Variants in CHRDL1 observed in about 807,000 individuals in gnomAD.
CHRDL1 encodes the protein chordin like 1, also known as chordin-like protein 1.
Under a neutral mutation model 40.9 loss-of-function variants are expected in CHRDL1, and 19 were observed. The ratio of observed to expected loss-of-function variants is 0.46; its 90% confidence interval spans 0.32 to 0.68. CHRDL1 has a LOEUF of 0.68. Among genes scored for constraint, CHRDL1 ranks in the 30% least tolerant of loss-of-function variants. The pLI is 0.03. For missense variants in CHRDL1, 329 were observed against 352.1 expected (o/e 0.93, Z 0.53); for synonymous variants, 136 against 123.4 (o/e 1.10, Z -0.68).
intron 7 of CHRDL1, 71 bp downstream of exon 7, chrX:110,700,583 G>GT: frequency 1.4e-6 from 1 of 721,937 alleles, no homozygotes; most frequent in South Asian, 2.3e-5. Flanking sequence ...TGCTAGAATA[G>GT]TAGCCACGAG....
intron 4 of CHRDL1, 80 bp downstream of exon 4, chrX:110,759,581 G>T: frequency 2.8e-6 from 2 of 706,934 alleles, no homozygotes; most frequent in South Asian, 2.1e-5. Flanking sequence ...CCCTTCTGGG[G>T]AATTATGGAG....
At chrX:110,695,195 A>G (rs2070362043) in intron 7 of CHRDL1, among the ~76,000 whole-genome samples, 1 of 111,603 alleles carries the variant, frequency 9.0e-6, no homozygotes. Context: ...AGATCATACA[A>G]TGCAGTACAA....
intron 4 of CHRDL1, among the ~76,000 whole-genome samples, chrX:110,739,274 G>A (rs2071319899): frequency 9.0e-6 from 1 of 111,644 alleles, no homozygotes; most frequent in Non-Finnish European, 1.9e-5. Context: ...GTATGCAGCG[G>A]AATACACAAT....
At chrX:110,721,119 C>T (rs780542807) in intron 5 of CHRDL1, among the ~76,000 whole-genome samples, 10 of 111,485 alleles carry the variant, frequency 9.0e-5, no homozygotes, top group Non-Finnish European at 1.7e-4. Context: ...AAAGGAGCGC[C>T]GATCAACACA....
chrX:110,778,393 TAAAC>T (rs781354797), intron 2 of CHRDL1, among the ~76,000 whole-genome samples: 13 of 111,739 alleles, frequency 1.2e-4, no homozygotes, highest in South Asian at 7.4e-4. Flanking sequence ...GTAAGGAACT[TAAAC>T]AAACTTATAA....
chrX:110,714,786 C>T (rs2070811766), intron 6 of CHRDL1, among the ~76,000 whole-genome samples: 1 of 111,779 alleles, frequency 8.9e-6, no homozygotes, highest in Admixed American at 9.5e-5. Flanking sequence ...GCAAGTTCAG[C>T]AGTCAAAAGA....
At chrX:110,771,748 C>A (rs530844590) in intron 2 of CHRDL1, among the ~76,000 whole-genome samples, 12 of 111,506 alleles carry the variant, frequency 1.1e-4, no homozygotes, top group African/African-American at 3.9e-4. Context: ...ACTGCTTTAC[C>A]CCTAAGATCA....
intron 6 of CHRDL1, among the ~76,000 whole-genome samples, chrX:110,707,485 C>T (rs2070664418): frequency 9.0e-6 from 1 of 111,235 alleles, no homozygotes; most frequent in African/African-American, 3.3e-5. Flanking sequence ...AGAAATAATG[C>T]CACTTATCTG....
rs749404788 is a variant in CHRDL1, at chrX:110,740,272, T to G, written c.302-18742A>C. 1.1e-4 allele frequency among the ~76,000 whole-genome samples: 12 copies of G among 112,580 alleles called. No homozygotes were observed. The South Asian group carries it at 4.1e-3, about 38-fold the overall frequency. The stretch of plus-strand genomic sequence containing the variant: ...TGTCATTAGGGCTTTCCATCAATAT[T>G]CAAATTCTCCTCCTTCCAGGCACAT... On this transcript the variant is annotated intron_variant, in intron 4 of 11. Coordinates refer to ENST00000372042, the MANE Select transcript of CHRDL1 (RefSeq NM_001143981.2).
intron 8 of CHRDL1, among the ~76,000 whole-genome samples, chrX:110,689,630 CTATATATCTATA>C (rs2070154388): frequency 2.9e-5 from 1 of 33,947 alleles, no homozygotes; most frequent in East Asian, 4.6e-4. Flanking sequence ...ATCTATATAT[CTATATATCTATA>C]TATATCTATA....
chrX:110,690,633 A>G (rs1045965642), intron 8 of CHRDL1, among the ~76,000 whole-genome samples: 35 of 110,924 alleles, frequency 3.2e-4, no homozygotes, highest in African/African-American at 8.6e-4. Flanking sequence ...ACCAACATAT[A>G]TAAGTATGGA....
intron 6 of CHRDL1, 47 bp downstream of exon 6, chrX:110,719,788 T>C (rs1327257121): frequency 2.4e-6 from 2 of 833,982 alleles, no homozygotes; most frequent in South Asian, 2.3e-5. Flanking sequence ...TAAATTCTAC[T>C]ACACAGGATA....
chrX:110,683,386 T>C (rs56015806), intron 9 of CHRDL1, among the ~76,000 whole-genome samples: 5 of 112,209 alleles, frequency 4.5e-5, no homozygotes, highest in African/African-American at 1.6e-4. Flanking sequence ...GGGAAGACAA[T>C]GTGCTTGATG....
intron 4 of CHRDL1, among the ~76,000 whole-genome samples, chrX:110,739,971 A>G (rs973117380): frequency 1.2e-4 from 13 of 112,697 alleles, no homozygotes; most frequent in Admixed American, 4.7e-4. Flanking sequence ...TTGCTGCCCA[A>G]TGGCAATCAA....
intron 2 of CHRDL1, among the ~76,000 whole-genome samples, chrX:110,790,551 AAGAC>A (rs1345726831): frequency 9.0e-6 from 1 of 111,218 alleles, no homozygotes; most frequent in Admixed American, 9.6e-5. Context: ...GTTTCTCTCT[AAGAC>A]AGGAAGATTT....
chrX:110,790,866 T>C (rs914391505), intron 2 of CHRDL1, among the ~76,000 whole-genome samples: 4 of 106,121 alleles, frequency 3.8e-5, no homozygotes, highest in African/African-American at 1.4e-4. Flanking sequence ...GCTTCCTTGC[T>C]GAGATCATGC....
rs768481466 is a variant in CHRDL1 at position 110,775,662 on chromosome X, C to G, written c.95-12855G>C. The stretch of plus-strand genomic sequence containing the variant: ...ATTTTGGGGATTTTTAATCCCCTGA[C>G]AGTCTCTGTCTTTTAATTGGTTTAT... On this transcript the variant is annotated intron_variant, in intron 2 of 11. Transcript: ENST00000372042. 5.4e-5 allele frequency among the ~76,000 whole-genome samples: 6 copies of G among 111,739 alleles called. No homozygotes were observed. In the East Asian group the frequency reaches 1.7e-3, roughly 31 times the overall value.
At chrX:110,737,078 C>T (rs761636070) in intron 4 of CHRDL1, among the ~76,000 whole-genome samples, 34 of 111,784 alleles carry the variant, frequency 3.0e-4, no homozygotes, top group Non-Finnish European at 5.5e-4. Context: ...ATGGCTTTTC[C>T]GAAGTTATCC....
intron 8 of CHRDL1, among the ~76,000 whole-genome samples, chrX:110,689,711 ATATATATC>A (rs2070172727): frequency 3.2e-5 from 1 of 31,451 alleles, no homozygotes; most frequent in East Asian, 4.6e-4. Context: ...ATATATCTAT[ATATATATC>A]TATATATATC....
Sources: allele counts gnomAD v4.1 joint callset (sites outside exome capture counted in the v4.1 genomes callset), GRCh38; gene constraint gnomAD v4.1.1; transcripts MANE v1.5; gene names NCBI Gene and HGNC (gene_info 2026-07-23, HGNC 2026-07-21).